Variants in PHKB observed in about 807,000 individuals in gnomAD.
PHKB encodes phosphorylase kinase regulatory subunit beta, also known as phosphorylase b kinase regulatory subunit beta.
In PHKB, 122 loss-of-function variants were observed where a neutral mutation model predicts 152.1. The observed-to-expected ratio is 0.80, with a 90% CI of 0.69 to 0.93. The LOEUF (loss-of-function observed/expected upper bound fraction) is 0.93, where lower values mean the gene tolerates loss of function less well. Among genes scored for constraint, PHKB ranks in the 40% least tolerant of loss-of-function variants. The pLI is 0.00. For synonymous variants in PHKB, 436 were observed against 464.9 expected, an observed-to-expected ratio of 0.94 and a Z score of 0.80; for missense variants, 1,304 against 1,328.4, an observed-to-expected ratio of 0.98 and a Z score of 0.29.
intron 1 of PHKB, among the ~76,000 whole-genome samples, chr16:47,475,628 A>G (rs1247798406): frequency 6.6e-6 from 1 of 152,214 alleles, no homozygotes; most frequent in Non-Finnish European, 1.5e-5. Context: ...AAATGTAGGA[A>G]ATAGAACCAT....
chr16:47,553,169 C>G (rs1971304620), intron 7 of PHKB, among the ~76,000 whole-genome samples: 1 of 152,130 alleles, frequency 6.6e-6, no homozygotes, highest in Admixed American at 6.6e-5. Flanking sequence ...TTCAGGTACA[C>G]CAACCAAACA....
Position 47,649,134 on chromosome 16 carries a change from A to G in PHKB, c.1727A>G (p.Tyr576Cys). The change falls in exon 18 of 31, where the codon TAC (tyrosine) becomes TGC (cysteine). Residue 576 changes from tyrosine to cysteine, a missense_variant. Physicochemically the swap from Tyr to Cys is radical, Grantham distance 194. Transcript: ENST00000323584. Reference protein sequence around the residue: ...YRILGKTVVCYPIIFDLSDFY... With the variant: ...YRILGKTVVCCPIIFDLSDFY... Reference sequence around the variant, plus strand: ...ATTCTAGGAAAGACTGTGGTTTGTTACCCGATTATTTTCGACCTAAGTGAT... The same window carrying G: ...ATTCTAGGAAAGACTGTGGTTTGTTGCCCGATTATTTTCGACCTAAGTGAT... The G allele has an allele frequency of 1.9e-6, 3 of 1,609,542 alleles. No homozygotes were observed. The East Asian group carries it at 6.7e-5, about 36-fold the overall frequency.
rs912605555 is a variant in PHKB at position 47,651,044 on chromosome 16, C to G, written c.1971+123C>G. The G allele has an allele frequency of 1.2e-5, 9 of 739,174 alleles. No individual in the cohort carries two copies. In the African/African-American group the frequency reaches 1.6e-4, roughly 13 times the overall value. The allele number at this position is 739,174 out of a possible 1,614,324, so 45.8% of individuals were successfully genotyped here. ...TAAGGTTTTATTCTCCACCTATCTT[C>G]CTATTCCTATTGTCACTTTTCCAGT... is the stretch of plus-strand genomic sequence containing the variant. On this transcript the variant is annotated intron_variant, in intron 20 of 30. Coordinates refer to ENST00000323584, the MANE Select transcript of PHKB (RefSeq NM_000293.3).
At chr16:47,551,376 C>T (rs77335570) in intron 7 of PHKB, among the ~76,000 whole-genome samples, 75 of 152,280 alleles carry the variant, frequency 4.9e-4, no homozygotes, top group African/African-American at 1.3e-3. Flanking sequence ...CCTCTAAACA[C>T]GGCTTTAGCT....
intron 13 of PHKB, among the ~76,000 whole-genome samples, chr16:47,599,313 CCTT>C (rs1272498061): frequency 3.9e-5 from 6 of 152,086 alleles, no homozygotes; most frequent in Admixed American, 3.3e-4. Context: ...GAAATTAAAA[CCTT>C]CTTTATCCTG....
At chr16:47,528,528 A>T (rs1970804199) in intron 6 of PHKB, among the ~76,000 whole-genome samples, 1 of 152,100 alleles carries the variant, frequency 6.6e-6, no homozygotes, top group Non-Finnish European at 1.5e-5. Flanking sequence ...TAGTATGAAT[A>T]AATCAAATTT....
At chr16:47,673,407 C>CCACATGAT (rs1448841194) in intron 26 of PHKB, among the ~76,000 whole-genome samples, 1 of 151,990 alleles carries the variant, frequency 6.6e-6, no homozygotes, top group South Asian at 2.1e-4. Context: ...TGGTTTTGTG[C>CCACATGAT]CACATGATAT....
chr16:47,685,887 G>A (rs1338886584), intron 26 of PHKB, among the ~76,000 whole-genome samples: 4 of 151,802 alleles, frequency 2.6e-5, no homozygotes, highest in East Asian at 3.9e-4. Flanking sequence ...GACTACAGGC[G>A]CCTGCCACCA....
chr16:47,678,579 T>C (rs1973781987), intron 26 of PHKB, among the ~76,000 whole-genome samples: 1 of 152,082 alleles, frequency 6.6e-6, no homozygotes, highest in African/African-American at 2.4e-5. Flanking sequence ...TTTTGAGAAG[T>C]GTCTGTTCAT....
intron 26 of PHKB, among the ~76,000 whole-genome samples, chr16:47,679,776 A>G (rs1973812731): frequency 1.3e-5 from 2 of 152,198 alleles, no homozygotes; most frequent in African/African-American, 4.8e-5. Flanking sequence ...TCTCCTGCCT[A>G]ATTGCCCTGG....
intron 14 of PHKB, among the ~76,000 whole-genome samples, chr16:47,618,503 T>C (rs1255601870): frequency 6.6e-6 from 1 of 152,194 alleles, no homozygotes. Context: ...CACTGTGATA[T>C]ATATGAATAG....
chr16:47,663,158 A>G lies in PHKB; in HGVS notation c.2279-519A>G, dbSNP rs1020117318. On this transcript the variant is annotated intron_variant, in intron 23 of 30. Transcript: ENST00000323584. ...TCTTTTTGGCGCTCTTTCCTGTCAC[A>G]TTGTGATTTTACGGGCAAAATCAGT... is the stretch of plus-strand genomic sequence containing the variant. 1.2e-4 allele frequency among the ~76,000 whole-genome samples: 18 copies of G among 152,092 alleles called. 1 individual carries two copies. Among genetic ancestry groups the G allele is most frequent in the African/African-American group, 2.4e-4 (10 of 41,432 alleles).
At chr16:47,693,049 T>G (rs1229292921) in intron 27 of PHKB, among the ~76,000 whole-genome samples, 1 of 152,212 alleles carries the variant, frequency 6.6e-6, no homozygotes, top group Non-Finnish European at 1.5e-5. Context: ...CAAGTTATTA[T>G]GAAATTCACA....
chr16:47,515,095 G>A (rs1028067009), intron 5 of PHKB, among the ~76,000 whole-genome samples: 2 of 152,126 alleles, frequency 1.3e-5, no homozygotes, highest in Non-Finnish European at 2.9e-5. Flanking sequence ...CCATGTATTT[G>A]AGATGGATTG....
chr16:47,588,917 G>T lies in PHKB; in HGVS notation c.883G>T (p.Ala295Ser). 1 of 1,613,618 alleles carries T rather than the reference G, an allele frequency of 6.2e-7. No individual in the cohort carries two copies. The highest frequency in any genetic ancestry group is 1.1e-5 in the South Asian group (1 of 91,066). ...TCATTGCCTCCAGAATACAGATGCT[G>T]CCCTGCTCCCCTGCATCAGTTATCC... is the stretch of plus-strand genomic sequence containing the variant. ...RESRSHNTDA[A>S]LLPCISYPAF... Residue 295 changes from alanine to serine, a missense_variant, in exon 10 of 31, where the codon GCC becomes TCC. Transcript: ENST00000323584.
intron 7 of PHKB, chr16:47,566,631 T>C (rs1971571915): frequency 1.7e-6 from 2 of 1,162,740 alleles, no homozygotes. Flanking sequence ...TTTGGGAAGA[T>C]GGCTCCAGTC....
intron 6 of PHKB, among the ~76,000 whole-genome samples, chr16:47,521,747 C>T (rs1428839508): frequency 1.3e-5 from 2 of 151,216 alleles, no homozygotes; most frequent in East Asian, 1.9e-4. Flanking sequence ...TTCTATTCCT[C>T]GTTTCTTGAG....
intron 14 of PHKB, among the ~76,000 whole-genome samples, chr16:47,623,716 G>A (rs1454390485): frequency 6.6e-6 from 1 of 151,846 alleles, no homozygotes; most frequent in African/African-American, 2.4e-5. Flanking sequence ...ATCATGCCTG[G>A]TTAATTTGTT....
intron 1 of PHKB, among the ~76,000 whole-genome samples, chr16:47,472,858 T>G (rs1969796919): frequency 6.6e-6 from 1 of 151,706 alleles, no homozygotes; most frequent in East Asian, 1.9e-4. Flanking sequence ...AGGGACAGCT[T>G]GAGCCCGAAA....
Sources: allele counts gnomAD v4.1 joint callset (sites outside exome capture counted in the v4.1 genomes callset), GRCh38; gene constraint gnomAD v4.1.1; transcripts MANE v1.5; gene names NCBI Gene and HGNC (gene_info 2026-07-23, HGNC 2026-07-21).